Variants in CHRM3 observed in about 807,000 individuals in gnomAD.
The protein encoded by CHRM3 is muscarinic acetylcholine receptor M3.
In CHRM3, 11 loss-of-function variants were observed where a neutral mutation model predicts 41.8. The observed-to-expected ratio is 0.26, with a 90% CI of 0.17 to 0.44. The LOEUF is 0.44. Ranked by LOEUF, CHRM3 falls within the 20% of genes least tolerant of loss-of-function variation. The pLI is 1.00. For missense variants in CHRM3, 571 were observed against 745.4 expected (o/e 0.77, Z 2.72); for synonymous variants, 297 against 301.4 (o/e 0.99, Z 0.15).
At chr1:239,688,054 T>G (rs868597144) in intron 5 of CHRM3, among the ~76,000 whole-genome samples, 5 of 152,016 alleles carry the variant, frequency 3.3e-5, no homozygotes, top group African/African-American at 1.2e-4. Flanking sequence ...TACACAAAAC[T>G]GCTCTTAAGG....
chr1:239,641,609 A>G (rs1339778551), intron 4 of CHRM3, among the ~76,000 whole-genome samples: 1 of 144,882 alleles, frequency 6.9e-6, no homozygotes, highest in Non-Finnish European at 1.5e-5. Flanking sequence ...TTTGTTTTCC[A>G]TTTGCTTGGT....
chr1:239,654,057 G>T (rs531439200), intron 4 of CHRM3, among the ~76,000 whole-genome samples: 1 of 152,244 alleles, frequency 6.6e-6, no homozygotes, highest in East Asian at 1.9e-4. Context: ...AACTTCCCAG[G>T]CTCGAACAGT....
chr1:239,909,228 G>C lies in CHRM3; in HGVS notation c.*4G>C. On this transcript the variant is annotated 3_prime_UTR_variant, in exon 7 of 7. Coordinates refer to ENST00000676153, the MANE Select transcript of CHRM3 (RefSeq NM_001375978.1). ...CGCACCCGAGCAGGCCTTGTAGAAT[G>C]AGGTTGTATCAATAGCAGTGACAAA... 6.3e-7 allele frequency: 1 copy of C among 1,596,278 alleles called. No homozygotes were observed. Among genetic ancestry groups the C allele is most frequent in the Non-Finnish European group, 8.5e-7 (1 of 1,172,238 alleles).
intron 6 of CHRM3, among the ~76,000 whole-genome samples, chr1:239,891,407 T>C (rs1678538679): frequency 6.6e-6 from 1 of 152,078 alleles, no homozygotes; most frequent in Non-Finnish European, 1.5e-5. Flanking sequence ...AACTGAAAAA[T>C]GACGAGGTTC....
chr1:239,402,260 T>C (rs765213190), intron 1 of CHRM3, among the ~76,000 whole-genome samples: 1 of 152,158 alleles, frequency 6.6e-6, no homozygotes, highest in Non-Finnish European at 1.5e-5. Context: ...CAGACTTGAA[T>C]CCTTCTGAAT....
chr1:239,589,970 C>T (rs1663930701), intron 3 of CHRM3, among the ~76,000 whole-genome samples: 1 of 151,674 alleles, frequency 6.6e-6, no homozygotes, highest in Non-Finnish European at 1.5e-5. Context: ...ATTTAAAAAC[C>T]CACAGTTTTA....
chr1:239,692,591 G>A (rs1659822085), intron 5 of CHRM3, among the ~76,000 whole-genome samples: 1 of 152,034 alleles, frequency 6.6e-6, no homozygotes, highest in African/African-American at 2.4e-5. Flanking sequence ...ATTTGAAGAG[G>A]GTTTGCAGGA....
At chr1:239,580,994 G>A (rs1294725240) in intron 3 of CHRM3, among the ~76,000 whole-genome samples, 2 of 151,544 alleles carry the variant, frequency 1.3e-5, no homozygotes, top group Admixed American at 6.6e-5. Flanking sequence ...CAGGGAGATG[G>A]CTCTTGACAT....
chr1:239,549,615 C>T (rs113965669), intron 3 of CHRM3, among the ~76,000 whole-genome samples: 18 of 148,540 alleles, frequency 1.2e-4, no homozygotes, highest in Admixed American at 3.4e-4. Context: ...AAGTTGAGAT[C>T]GCACCACTGC....
At chr1:239,741,674 G>T (rs1320843201) in intron 5 of CHRM3, among the ~76,000 whole-genome samples, 1 of 129,606 alleles carries the variant, frequency 7.7e-6, no homozygotes, top group African/African-American at 2.7e-5. Context: ...AATTCAATCA[G>T]CTAAAGCCTT....
chr1:239,477,215 G>T (rs1666526331), intron 1 of CHRM3, among the ~76,000 whole-genome samples: 4 of 152,166 alleles, frequency 2.6e-5, no homozygotes. Flanking sequence ...CAAGATATTT[G>T]ATCTTTCTTT....
At chr1:239,618,273 CTTTCTT>C (rs1254887512) in intron 3 of CHRM3, among the ~76,000 whole-genome samples, 121 of 113,050 alleles carry the variant, frequency 1.1e-3, no homozygotes, top group Non-Finnish European at 1.6e-3. Flanking sequence ...CTTTTTTTTT[CTTTCTT>C]TTTTTTTTTT....
intron 3 of CHRM3, among the ~76,000 whole-genome samples, chr1:239,556,659 C>T (rs879216694): frequency 6.6e-6 from 1 of 152,090 alleles, no homozygotes; most frequent in Non-Finnish European, 1.5e-5. Context: ...GTACATTAGA[C>T]AGATTATTGT....
chr1:239,428,002 C>T (rs1471630467), intron 1 of CHRM3, among the ~76,000 whole-genome samples: 9 of 152,102 alleles, frequency 5.9e-5, no homozygotes, highest in African/African-American at 7.2e-5. Flanking sequence ...TTGCAAACCT[C>T]GGTGTCATTG....
chr1:239,415,720 T>C (rs184720454), intron 1 of CHRM3, among the ~76,000 whole-genome samples: 2 of 152,324 alleles, frequency 1.3e-5, no homozygotes, highest in East Asian at 3.9e-4. Context: ...GCTGTTTAAA[T>C]AAGAACTGGA....
chr1:239,645,999 C>T (rs1671708289), intron 4 of CHRM3, among the ~76,000 whole-genome samples: 2 of 152,130 alleles, frequency 1.3e-5, no homozygotes, highest in South Asian at 2.1e-4. Context: ...AACATTTGTA[C>T]TAAACAACAT....
chr1:239,846,475 T>C (rs1333597103), intron 6 of CHRM3, among the ~76,000 whole-genome samples: 2 of 152,172 alleles, frequency 1.3e-5, no homozygotes, highest in Non-Finnish European at 2.9e-5. Context: ...CACCAATGGA[T>C]AAGCCAATAA....
chr1:239,856,737 G>A (rs931659684), intron 6 of CHRM3, among the ~76,000 whole-genome samples: 7 of 152,098 alleles, frequency 4.6e-5, no homozygotes, highest in South Asian at 2.1e-4. Flanking sequence ...TGTCTGACAC[G>A]TAAATGATTC....
intron 1 of CHRM3, among the ~76,000 whole-genome samples, chr1:239,445,222 A>T (rs1664038124): frequency 6.6e-6 from 1 of 152,222 alleles, no homozygotes; most frequent in Admixed American, 6.5e-5. Context: ...TCTAATAATG[A>T]TGTTGATGAG....
Sources: allele counts gnomAD v4.1 joint callset (sites outside exome capture counted in the v4.1 genomes callset), GRCh38; gene constraint gnomAD v4.1.1; transcripts MANE v1.5; gene names NCBI Gene and HGNC (gene_info 2026-07-23, HGNC 2026-07-21).